STAM: variants seen among roughly 807,000 people sequenced by gnomAD.
STAM encodes signal transducing adaptor molecule, also known as signal transducing adapter molecule 1.
Under a neutral mutation model 63.4 loss-of-function variants are expected in STAM, and 16 were observed. That is an observed-to-expected ratio of 0.25 (90% CI 0.17 to 0.38). The LOEUF is 0.38. Ranked by LOEUF, STAM falls within the 10% of genes least tolerant of loss-of-function variation. The probability of loss-of-function intolerance (pLI) is 1.00; values close to 1 mark genes in which losing one functional copy is unlikely to be tolerated. For synonymous variants in STAM, 238 were observed against 223.9 expected (o/e 1.06, Z -0.56); for missense variants, 636 against 657.1 (o/e 0.97, Z 0.35).
At chr10:17,684,220 CT>C (rs879964225) in intron 2 of STAM, among the ~76,000 whole-genome samples, 24 of 152,338 alleles carry the variant, frequency 1.6e-4, no homozygotes, top group African/African-American at 5.1e-4. Flanking sequence ...TTGAGGCAAA[CT>C]TCTGGCTTAT....
chr10:17,687,439 A>G (rs565589118), intron 4 of STAM, among the ~76,000 whole-genome samples: 86 of 152,272 alleles, frequency 5.6e-4, no homozygotes, highest in African/African-American at 2.0e-3. Context: ...CAGTGTGCTG[A>G]GATCGAGCCA....
At chr10:17,702,857 G>A (rs982176295) in intron 9 of STAM, among the ~76,000 whole-genome samples, 2 of 151,802 alleles carry the variant, frequency 1.3e-5, no homozygotes, top group African/African-American at 4.8e-5. Flanking sequence ...AAAATACAAA[G>A]ATTCGCTGGA....
chr10:17,712,575 GA>G (rs782056822), intron 13 of STAM, among the ~76,000 whole-genome samples: 1 of 152,204 alleles, frequency 6.6e-6, no homozygotes, highest in Non-Finnish European at 1.5e-5. Context: ...ATAACAATTG[GA>G]GGAAAGTTTA....
In STAM at chr10:17,688,160, C is replaced by T; in HGVS notation, c.431C>T (p.Ala144Val). ...AAGGAACAAGGAGTTACGTTCCCAG[C>T]TATTGGCTCTCAGGTATTTTGGGAA... is the stretch of plus-strand genomic sequence containing the variant. ...NLKEQGVTFP[A>V]IGSQAAEQAK... Residue 144 changes from alanine (A) to valine (V), a missense_variant, in exon 5 of 14, where the codon GCT (alanine) becomes GTT (valine). This residue lies in a region of STAM where 532 missense variants were observed against 536.9 expected (regional missense o/e 0.99). Coordinates refer to ENST00000377524, the MANE Select transcript of STAM (RefSeq NM_003473.4). 1 of 1,563,636 alleles carries T rather than the reference C, an allele frequency of 6.4e-7. No homozygotes were observed. The highest frequency in any genetic ancestry group is 8.7e-7 in the Non-Finnish European group (1 of 1,155,304).
intron 2 of STAM, among the ~76,000 whole-genome samples, chr10:17,663,374 A>G (rs1174758899): frequency 1.3e-5 from 2 of 152,146 alleles, no homozygotes; most frequent in African/African-American, 2.4e-5. Context: ...TTTTTAAACT[A>G]CATACTTTCT....
chr10:17,705,554 C>T lies in STAM; in HGVS notation c.1056-34C>T, dbSNP rs1040923772. The T allele has an allele frequency of 1.9e-6, 3 of 1,592,436 alleles. No individual in the cohort carries two copies. The African/African-American group carries it at 4.1e-5, about 22-fold the overall frequency. On this transcript the variant is annotated intron_variant, in intron 11 of 13. Transcript: ENST00000377524. ...TTAGAGCATTATATCATTTTAGTAACAGCTATGCTTCAAATTATTGTGTCA... is the reference window on the plus strand; with the variant it reads ...TTAGAGCATTATATCATTTTAGTAATAGCTATGCTTCAAATTATTGTGTCA...
In STAM at chr10:17,693,296, A is replaced by C. The variant is rs1835622706; in HGVS notation, c.519A>C (p.Glu173Asp). The C allele has an allele frequency of 6.2e-7, 1 of 1,611,562 alleles. No homozygotes were observed. Among genetic ancestry groups the C allele is most frequent in the African/African-American group, 1.3e-5 (1 of 74,934 alleles). ...GTACTGTGGCTAACAAAAAAGAAGAAGAAGATTTAGCAAAAGGTGCGTTTT... is the reference window on the plus strand; with the variant it reads ...GTACTGTGGCTAACAAAAAAGAAGACGAAGATTTAGCAAAAGGTGCGTTTT... ...DPGTVANKKE[E>D]EDLAKAIELS... The change falls in exon 6 of 14, where the codon GAA becomes GAC. Residue 173 changes from glutamate (E) to aspartate (D), a missense_variant. This residue lies in a region of STAM where 532 missense variants were observed against 536.9 expected (regional missense o/e 0.99). Coordinates refer to ENST00000377524, the MANE Select transcript of STAM (RefSeq NM_003473.4).
chr10:17,707,816 A>G (rs1405486413), intron 12 of STAM, among the ~76,000 whole-genome samples: 2 of 151,824 alleles, frequency 1.3e-5, no homozygotes, highest in African/African-American at 2.4e-5. Context: ...TAAGACTTCA[A>G]TCTCTTTAGA....
chr10:17,713,932 C>T (rs78360496), intron 13 of STAM, among the ~76,000 whole-genome samples: 8,129 of 152,136 alleles, frequency 0.053, 755 homozygotes, highest in African/African-American at 0.18. Context: ...GCAGTCCTGC[C>T]GGTGATCTTA....
intron 1 of STAM, 23 bp downstream of exon 1, chr10:17,644,402 G>T (rs1373361378): frequency 1.2e-6 from 2 of 1,613,890 alleles, no homozygotes; most frequent in Non-Finnish European, 1.7e-6. Context: ...GCCTCTCCCT[G>T]CCCATTCCTC....
At chr10:17,709,023 A>T in intron 13 of STAM, 72 bp downstream of exon 13, 5 of 1,518,282 alleles carry the variant, frequency 3.3e-6, no homozygotes, top group Non-Finnish European at 4.5e-6. Context: ...GTTATCTATA[A>T]CTATAAAATC....
chr10:17,676,475 TTGTC>T (rs1554824670), intron 2 of STAM, among the ~76,000 whole-genome samples: 4 of 152,200 alleles, frequency 2.6e-5, no homozygotes, highest in Admixed American at 2.0e-4. Flanking sequence ...AGTCTGTTCT[TTGTC>T]TGGTCTGTGA....
intron 2 of STAM, among the ~76,000 whole-genome samples, chr10:17,682,883 G>A (rs1564550117): frequency 6.6e-6 from 1 of 152,020 alleles, no homozygotes; most frequent in African/African-American, 2.4e-5. Context: ...CGGCTGTATC[G>A]ATGTTTCCTT....
At chr10:17,662,186 C>G (rs1834199390) in intron 2 of STAM, among the ~76,000 whole-genome samples, 1 of 152,128 alleles carries the variant, frequency 6.6e-6, no homozygotes, top group Non-Finnish European at 1.5e-5. Flanking sequence ...GTTTAAGCTC[C>G]TTAGTCTTCT....
In STAM at chr10:17,644,207, A is replaced by G; in HGVS notation, c.-133A>G. 1 of 936,448 alleles carries G rather than the reference A, an allele frequency of 1.1e-6. No individual in the cohort carries two copies. The highest frequency in any genetic ancestry group is 1.7e-6 in the Non-Finnish European group (1 of 596,716). 58.0% of individuals were successfully genotyped at this position (936,448 alleles called of 1,614,324 possible). A position where few individuals can be genotyped will look rare whatever the true frequency, so the allele number is the denominator to read the frequency against. ...GCGGTTGGTGGGGTTGGGTGAGAGGAGGAGCTGTCGCGGACCCTGTAGAGT... is the reference window on the plus strand; with the variant it reads ...GCGGTTGGTGGGGTTGGGTGAGAGGGGGAGCTGTCGCGGACCCTGTAGAGT... On this transcript the variant is annotated 5_prime_UTR_variant, in exon 1 of 14. Transcript: ENST00000377524.
chr10:17,685,747 A>G (rs1271337331), intron 4 of STAM, among the ~76,000 whole-genome samples: 2 of 152,090 alleles, frequency 1.3e-5, no homozygotes, highest in Admixed American at 1.3e-4. Flanking sequence ...GGGACAAGGC[A>G]CTCTGTTTTT....
At position 17,644,179 on chromosome 10, in the gene STAM, G is replaced by C. The variant is rs782787234; in HGVS notation, c.-161G>C. ...TGCTGTTGCCGCCGCCGCAGCTGCTGCCGCGGTTGGTGGGGTTGGGTGAGA... is the reference window on the plus strand; with the variant it reads ...TGCTGTTGCCGCCGCCGCAGCTGCTCCCGCGGTTGGTGGGGTTGGGTGAGA... On this transcript the variant is annotated 5_prime_UTR_variant, in exon 1 of 14. Coordinates refer to ENST00000377524, the MANE Select transcript of STAM (RefSeq NM_003473.4). 1 of 721,142 alleles carries C rather than the reference G, an allele frequency of 1.4e-6. No homozygotes were observed. The highest frequency in any genetic ancestry group is 1.6e-5 in the South Asian group (1 of 63,366). 44.7% of individuals were successfully genotyped at this position (721,142 alleles called of 1,614,324 possible). A position where few individuals can be genotyped will look rare whatever the true frequency, so the allele number is the denominator to read the frequency against.
chr10:17,679,264 AGT>A (rs1359410720), intron 2 of STAM, among the ~76,000 whole-genome samples: 1 of 152,114 alleles, frequency 6.6e-6, no homozygotes, highest in Non-Finnish European at 1.5e-5. Flanking sequence ...CAGCCTAGTG[AGT>A]GTGAAGTGGC....
chr10:17,655,750 G>C (rs1794692453), intron 1 of STAM, among the ~76,000 whole-genome samples: 1 of 152,102 alleles, frequency 6.6e-6, no homozygotes, highest in Non-Finnish European at 1.5e-5. Context: ...CTTGGTATGA[G>C]TCATTTCCAC....
Sources: allele counts gnomAD v4.1 joint callset (sites outside exome capture counted in the v4.1 genomes callset), GRCh38; gene constraint gnomAD v4.1.1; regional missense constraint gnomAD v4.1.1; transcripts MANE v1.5; gene names NCBI Gene and HGNC (gene_info 2026-07-23, HGNC 2026-07-21).